The following LIFR variants were observed in gnomAD, a reference collection of about 807,000 sequenced individuals.
LIFR encodes the protein leukemia inhibitory factor receptor.
Under a neutral mutation model 122.2 loss-of-function variants are expected in LIFR, and 84 were observed. The ratio of observed to expected loss-of-function variants is 0.69; its 90% CI spans 0.58 to 0.82. The LOEUF is 0.82. LIFR is among the 40% of genes least tolerant of loss of function. LIFR has a pLI of 0.00. For synonymous variants in LIFR, 422 were observed against 434.7 expected (o/e 0.97, Z 0.36); for missense variants, 1,294 against 1,311.6 (o/e 0.99, Z 0.21).
chr5:38,583,831 G>A (rs1749665051), intron 1 of LIFR, among the ~76,000 whole-genome samples: 1 of 152,122 alleles, frequency 6.6e-6, no homozygotes. Context: ...TGAATCATGG[G>A]GTTGGTTTCC....
At chr5:38,588,486 C>T (rs538063697) in intron 1 of LIFR, among the ~76,000 whole-genome samples, 1 of 152,274 alleles carries the variant, frequency 6.6e-6, no homozygotes, top group African/African-American at 2.4e-5. Context: ...GTCAGTATTA[C>T]AGAGAAAAGA....
rs763025065 is a variant in LIFR, at chr5:38,481,573, C to T, written c.*22G>A. 4 of 1,613,884 alleles carry T rather than the reference C, an allele frequency of 2.5e-6. No individual in the cohort carries two copies. The highest frequency in any genetic ancestry group is 2.2e-5 in the East Asian group (1 of 44,884). On this transcript the variant is annotated 3_prime_UTR_variant, in exon 20 of 20. Coordinates refer to ENST00000453190, the MANE Select transcript of LIFR (RefSeq NM_001127671.2). ...AGTAAGAGCTTATTGAGATGGCTGA[C>T]TGAAGTGACACGGTGACACTGTTAA...
At chr5:38,551,459 T>G (rs924596903) in intron 1 of LIFR, among the ~76,000 whole-genome samples, 2 of 152,216 alleles carry the variant, frequency 1.3e-5, no homozygotes, top group African/African-American at 4.8e-5. Flanking sequence ...CTTGCTATTT[T>G]CCACCAGATG....
At chr5:38,508,189 ATTAAC>A (rs1745599047) in intron 7 of LIFR, among the ~76,000 whole-genome samples, 1 of 152,236 alleles carries the variant, frequency 6.6e-6, no homozygotes, top group Non-Finnish European at 1.5e-5. Flanking sequence ...TTTCAAAGAA[ATTAAC>A]TTATAAAATA....
chr5:38,507,563 C>CAAAAAA (rs35427960), intron 7 of LIFR, among the ~76,000 whole-genome samples: 1 of 110,924 alleles, frequency 9.0e-6, no homozygotes, highest in South Asian at 3.3e-4. Flanking sequence ...TACTCCGTCT[C>CAAAAAA]AAAAAAAAAA....
In LIFR at chr5:38,479,261, G is replaced by A. The variant is rs1354555713; in HGVS notation, c.*2334C>T. On this transcript the variant is annotated 3_prime_UTR_variant, in exon 20 of 20. Coordinates refer to ENST00000453190, the MANE Select transcript of LIFR (RefSeq NM_001127671.2). ...CTTTTAAGCACACAGCAACTTATAA[G>A]GAGCTTGCCCAGACTTAATAGCGTT... 2 of 231,892 alleles carry A rather than the reference G, an allele frequency of 8.6e-6. No homozygotes were observed. Among genetic ancestry groups the A allele is most frequent in the Non-Finnish European group, 1.7e-5 (2 of 117,246 alleles). The allele number at this position is 231,892 out of a possible 1,614,324, so 14.4% of individuals were successfully genotyped here.
intron 1 of LIFR, among the ~76,000 whole-genome samples, chr5:38,578,211 T>TTC (rs1425271608): frequency 3.4e-5 from 4 of 118,500 alleles, no homozygotes; most frequent in East Asian, 3.1e-4. Context: ...CTTTTTCTTT[T>TTC]TTTTTTTTTT....
intron 1 of LIFR, among the ~76,000 whole-genome samples, chr5:38,567,319 G>A (rs1380644018): frequency 6.6e-6 from 1 of 152,026 alleles, no homozygotes; most frequent in Admixed American, 6.6e-5. Context: ...GGAGTCCTTG[G>A]ATCTTGTCCA....
intron 1 of LIFR, among the ~76,000 whole-genome samples, chr5:38,578,572 T>C (rs1246153687): frequency 1.3e-5 from 2 of 151,586 alleles, no homozygotes; most frequent in African/African-American, 4.9e-5. Flanking sequence ...TTTTAGACAG[T>C]CTCACTCTGT....
rs1246698893 is a variant in LIFR, at chr5:38,490,270, C to T, written c.2087G>A (p.Arg696Lys). The T allele has an allele frequency of 6.4e-7, 1 of 1,557,590 alleles. No individual in the cohort carries two copies. The highest frequency in any genetic ancestry group is 8.8e-7 in the Non-Finnish European group (1 of 1,131,528). ...GCATCCATACAGGAAAAAATTATAT[C>T]TTATACCTGGTCGAAACTCATCTAT... ...IESDEFRPGI[R>K]YNFFLYGCRN... The change falls in exon 15 of 20, where the codon AGA (arginine) becomes AAA (lysine). Residue 696 changes from arginine to lysine, a missense_variant. Coordinates refer to ENST00000453190, the MANE Select transcript of LIFR (RefSeq NM_001127671.2).
chr5:38,530,458 G>T, intron 2 of LIFR, 48 bp downstream of exon 2: 1 of 1,543,152 alleles, frequency 6.5e-7, no homozygotes, highest in Non-Finnish European at 9.0e-7. Flanking sequence ...CATCAAAATG[G>T]AAATAAAACT....
chr5:38,482,166 A>G lies in LIFR; in HGVS notation c.2723T>C (p.Val908Ala). ...TGCTGATCGAGTTTCCAGAACCTCA[A>G]CATTATTTGGGGTACAAGGATTCAT... is the stretch of plus-strand genomic sequence containing the variant. ...LEMNPCTPNN[V>A]EVLETRSAFP... The change falls in exon 20 of 20, where the codon GTT (valine) becomes GCT (alanine). Residue 908 changes from valine to alanine, a missense_variant. Val to Ala is a moderately conservative substitution (Grantham distance 64, BLOSUM62 0). Coordinates refer to ENST00000453190, the MANE Select transcript of LIFR (RefSeq NM_001127671.2). 1 of 1,588,686 alleles carries G rather than the reference A, an allele frequency of 6.3e-7. No homozygotes were observed. The highest frequency in any genetic ancestry group is 8.5e-7 in the Non-Finnish European group (1 of 1,173,124).
chr5:38,491,449 G>T (rs1744587122), intron 14 of LIFR, among the ~76,000 whole-genome samples: 1 of 152,194 alleles, frequency 6.6e-6, no homozygotes, highest in Admixed American at 6.5e-5. Context: ...ATCAGAAACA[G>T]CTACAATAAG....
intron 8 of LIFR, among the ~76,000 whole-genome samples, chr5:38,506,280 T>C (rs1745476192): frequency 6.6e-6 from 1 of 152,200 alleles, no homozygotes; most frequent in South Asian, 2.1e-4. Flanking sequence ...ACAGTCTCTG[T>C]TCATGTTCAA....
intron 5 of LIFR, among the ~76,000 whole-genome samples, chr5:38,519,503 C>T (rs559876029): frequency 1.3e-5 from 2 of 152,200 alleles, no homozygotes; most frequent in African/African-American, 2.4e-5. Context: ...ATATATAATA[C>T]ATGGATGCTA....
chr5:38,505,383 C>T (rs1745413586), intron 9 of LIFR, among the ~76,000 whole-genome samples: 1 of 142,922 alleles, frequency 7.0e-6, no homozygotes, highest in Non-Finnish European at 1.5e-5. Context: ...GAATCTATAC[C>T]TATAAATTGC....
At chr5:38,508,259 T>A (rs931117941) in intron 7 of LIFR, among the ~76,000 whole-genome samples, 4 of 152,184 alleles carry the variant, frequency 2.6e-5, no homozygotes, top group Non-Finnish European at 5.9e-5. Flanking sequence ...CATTTTTATA[T>A]ACCAGTCAAT....
intron 7 of LIFR, among the ~76,000 whole-genome samples, chr5:38,508,407 C>A (rs769362303): frequency 6.6e-6 from 1 of 152,086 alleles, no homozygotes; most frequent in South Asian, 2.1e-4. Context: ...TAGGGATATA[C>A]CATGTTCATA....
chr5:38,481,490 TA>T lies in LIFR; in HGVS notation c.*104del. 1 of 1,238,356 alleles carries T rather than the reference TA, an allele frequency of 8.1e-7. No individual in the cohort carries two copies. The highest frequency in any genetic ancestry group is 1.2e-6 in the Non-Finnish European group (1 of 838,856). 76.7% of individuals were successfully genotyped at this position (1,238,356 alleles called of 1,614,324 possible). On this transcript the variant is annotated 3_prime_UTR_variant, in exon 20 of 20. Coordinates refer to ENST00000453190, the MANE Select transcript of LIFR (RefSeq NM_001127671.2). Reference sequence around the variant, plus strand: ...TTAACATGTAGTGAAGTTCACCTCCTAACAATACTTCACAGGATCCCTCCAA... The same window carrying T: ...TTAACATGTAGTGAAGTTCACCTCCTACAATACTTCACAGGATCCCTCCAA...
Sources: gnomAD v4.1 joint callset for allele counts (sites outside exome capture counted in the v4.1 genomes callset) on GRCh38, gnomAD v4.1.1 for gene constraint, MANE v1.5 for transcripts, NCBI Gene and HGNC (gene_info 2026-07-23, HGNC 2026-07-21) for gene names.